AOPEP: variants seen among roughly 807,000 people sequenced by gnomAD.
The protein encoded by AOPEP is aminopeptidase O (putative), also known as aminopeptidase O.
Under a neutral mutation model 98.1 loss-of-function variants are expected in AOPEP, and 77 were observed. That is an observed-to-expected ratio of 0.78 (90% CI 0.65 to 0.95). The LOEUF is 0.95. Among genes scored for constraint, AOPEP ranks in the 40% least tolerant of loss-of-function variants. AOPEP has a pLI of 0.00. For synonymous variants in AOPEP, 346 were observed against 365.3 expected (o/e 0.95, Z 0.60); for missense variants, 1,024 against 1,024.7 (o/e 1.00, Z 0.01).
intron 13 of AOPEP, among the ~76,000 whole-genome samples, chr9:95,044,467 A>G (rs1587766119): frequency 6.6e-6 from 1 of 152,274 alleles, no homozygotes; most frequent in East Asian, 1.9e-4. Flanking sequence ...GCGCAGCAGC[A>G]CTCCGATAAT....
In AOPEP at chr9:95,060,796, G is replaced by A. The variant is rs764205776; in HGVS notation, c.2218G>A (p.Asp740Asn). Reference protein sequence around the residue: ...QSLQRTYHLQDQDAEVRHRWC... With the variant: ...QSLQRTYHLQNQDAEVRHRWC... ...CCTCCAGAGGACATACCACCTCCAG[G>A]ATCAGGATGCAGAGGTAACCAGGAA... Residue 740 changes from aspartate (D) to asparagine (N), a missense_variant, in exon 14 of 17, where the codon GAT (aspartate) becomes AAT (asparagine). Transcript: ENST00000375315. 2.5e-6 allele frequency: 4 copies of A among 1,609,730 alleles called. No individual in the cohort carries two copies. In the East Asian group the frequency reaches 6.7e-5, roughly 27 times the overall value.
Position 94,800,939 on chromosome 9 carries a change from AC to A in AOPEP, c.1304del (p.Pro435ArgfsTer32), listed in dbSNP as rs774695164. ...GCAGCACATTCTGTTCTGGGAGCAC[AC>A]CCGTTCTCTCGGCTGGATGTTCTCA... is the stretch of plus-strand genomic sequence containing the variant. Reference protein sequence around the residue: ...LSAAHSVLGAHPFSRLDVLIV... With the variant: ...LSAAHSVLGAXPFSRLDVLIV... On this transcript the variant is annotated frameshift_variant, in exon 5 of 17. Transcript: ENST00000375315. LOFTEE classifies it high-confidence loss of function. 7 of 1,613,778 alleles carry A rather than the reference AC, an allele frequency of 4.3e-6. No individual in the cohort carries two copies. The highest frequency in any genetic ancestry group is 5.1e-6 in the Non-Finnish European group (6 of 1,179,954).
rs572044129 is a variant in AOPEP at position 94,923,308 on chromosome 9, A to G, written c.1365-678A>G. 3.3e-4 allele frequency among the ~76,000 whole-genome samples: 50 copies of G among 152,304 alleles called. 1 individual carries two copies. Among genetic ancestry groups the G allele is most frequent in the African/African-American group, 1.1e-3 (47 of 41,560 alleles). On this transcript the variant is annotated intron_variant, in intron 5 of 16. Coordinates refer to ENST00000375315, the MANE Select transcript of AOPEP (RefSeq NM_001193329.3). ...GTGCCAGTCCTGGGGCCATTTGCAC[A>G]CCTGGGTGGGATAACTCCCTGCCTT...
rs972707645 is a variant in AOPEP, at chr9:95,005,263, C to T, written c.2040+43C>T. ...GGTCCCTGCGCCCCGGTGGCGCCGGCGCGAGACCGCGGCTGGCGAGAGGCC... is the reference window on the plus strand; with the variant it reads ...GGTCCCTGCGCCCCGGTGGCGCCGGTGCGAGACCGCGGCTGGCGAGAGGCC... On this transcript the variant is annotated intron_variant, in intron 12 of 16. Transcript: ENST00000375315. 72 of 998,454 alleles carry T rather than the reference C, an allele frequency of 7.2e-5. No individual in the cohort carries two copies. In the African/African-American group the frequency reaches 1.2e-3, roughly 17 times the overall value. 61.8% of individuals were successfully genotyped at this position (998,454 alleles called of 1,614,324 possible). A position where few individuals can be genotyped will look rare whatever the true frequency, so the allele number is the denominator to read the frequency against.
At chr9:95,093,122 G>T in the AOPEP span, among the ~76,000 whole-genome samples, 1,785 of 152,286 alleles carry the variant, frequency 0.012, 38 homozygotes, top group African/African-American at 0.04. Context: ...GCTATAGTTT[G>T]ATGATTGTAT....
At chr9:94,877,684 G>A (rs1317708287) in intron 5 of AOPEP, among the ~76,000 whole-genome samples, 1 of 152,146 alleles carries the variant, frequency 6.6e-6, no homozygotes, top group Non-Finnish European at 1.5e-5. Context: ...GCCTCCTAAA[G>A]TGCTAGAATT....
the AOPEP span, among the ~76,000 whole-genome samples, chr9:95,146,913 A>C: frequency 6.6e-6 from 1 of 152,088 alleles, no homozygotes; most frequent in African/African-American, 2.4e-5. Flanking sequence ...CATAAGAAGA[A>C]ATAAGTACAC....
chr9:94,728,123 A>G (rs1829633669), intron 1 of AOPEP, among the ~76,000 whole-genome samples: 1 of 152,176 alleles, frequency 6.6e-6, no homozygotes, highest in Admixed American at 6.5e-5. Flanking sequence ...GAGTTTGTTC[A>G]CCTACACAAA....
chr9:94,987,872 A>G (rs957876261), intron 11 of AOPEP, among the ~76,000 whole-genome samples: 16 of 152,112 alleles, frequency 1.1e-4, no homozygotes, highest in Admixed American at 1.0e-3. Flanking sequence ...GATGCTAGAG[A>G]GTTCCTGCAG....
At chr9:94,752,365 A>T (rs201326710) in intron 1 of AOPEP, among the ~76,000 whole-genome samples, 8,014 of 143,912 alleles carry the variant, frequency 0.056, 308 homozygotes, top group South Asian at 0.11. Flanking sequence ...TCTCTCACAC[A>T]CACACACACA....
rs76414331 is a variant in AOPEP, at chr9:95,069,513, A to G, written c.2232+8703A>G. ...GGAAGGCAAACTGTGCCATATTTCA[A>G]AGTGAACCCCACATGGGCTCCCACG... On this transcript the variant is annotated intron_variant, in intron 14 of 16. Transcript: ENST00000375315. Among the ~76,000 whole-genome samples the G allele has an allele frequency of 1.4e-3, 207 of 148,368 alleles. 2 individuals are homozygous for G. In the East Asian group the frequency reaches 0.033, roughly 24 times the overall value.
chr9:94,984,573 T>A (rs1002105151), intron 11 of AOPEP, among the ~76,000 whole-genome samples: 7 of 152,216 alleles, frequency 4.6e-5, no homozygotes, highest in African/African-American at 1.4e-4. Flanking sequence ...TCAATGTTTT[T>A]AAAAATATTG....
chr9:94,770,772 C>T (rs1039898442), intron 2 of AOPEP, among the ~76,000 whole-genome samples: 4 of 152,184 alleles, frequency 2.6e-5, no homozygotes, highest in African/African-American at 4.8e-5. Flanking sequence ...TGCATTATCA[C>T]GGCCTGTATA....
chr9:95,059,409 A>G (rs1478008963), intron 13 of AOPEP, among the ~76,000 whole-genome samples: 3 of 152,126 alleles, frequency 2.0e-5, no homozygotes, highest in African/African-American at 7.2e-5. Context: ...AGAACTTAGA[A>G]GAGTGAGGTG....
At chr9:94,973,896 A>G (rs1373007881) in intron 10 of AOPEP, among the ~76,000 whole-genome samples, 1 of 152,210 alleles carries the variant, frequency 6.6e-6, no homozygotes, top group Non-Finnish European at 1.5e-5. Context: ...GAGGGAAAAA[A>G]TTCACCGTTG....
intron 5 of AOPEP, among the ~76,000 whole-genome samples, chr9:94,846,466 G>A (rs918787675): frequency 2.6e-5 from 4 of 152,206 alleles, no homozygotes; most frequent in African/African-American, 9.6e-5. Context: ...GAGACATCAA[G>A]TACAGGCAGC....
chr9:94,990,919 C>T (rs954653784), intron 11 of AOPEP, among the ~76,000 whole-genome samples: 32 of 152,210 alleles, frequency 2.1e-4, no homozygotes, highest in African/African-American at 4.1e-4. Flanking sequence ...TGAGCCACCG[C>T]GCCTGGCCAA....
chr9:94,844,190 G>A (rs1216341681), intron 5 of AOPEP, among the ~76,000 whole-genome samples: 1 of 151,960 alleles, frequency 6.6e-6, no homozygotes, highest in Non-Finnish European at 1.5e-5. Context: ...CGAGTAGCTG[G>A]GATTACAGGC....
chr9:94,939,154 A>G (rs987941412), intron 7 of AOPEP, among the ~76,000 whole-genome samples: 9 of 151,922 alleles, frequency 5.9e-5, no homozygotes, highest in Non-Finnish European at 1.0e-4. Flanking sequence ...AGGCTGAGGC[A>G]GGAGAATCAC....
Sources: allele counts gnomAD v4.1 joint callset (sites outside exome capture counted in the v4.1 genomes callset), GRCh38; gene constraint gnomAD v4.1.1; transcripts MANE v1.5; gene names NCBI Gene and HGNC (gene_info 2026-07-23, HGNC 2026-07-21).